MLIP: variants seen among roughly 807,000 people sequenced by gnomAD.
The protein encoded by MLIP is muscular LMNA interacting protein.
MLIP carries 79 observed loss-of-function variants against 84.8 expected under a neutral mutation model. The ratio of observed to expected loss-of-function variants is 0.93; its 90% CI spans 0.78 to 1.12. MLIP has a LOEUF of 1.12. Ranked by LOEUF, MLIP falls within the 50% of genes most tolerant of loss-of-function variation. MLIP has a pLI of 0.00. For missense variants in MLIP, 1,257 were observed against 1,160.6 expected, an observed-to-expected ratio of 1.08 and a Z score of -1.21; for synonymous variants, 504 against 463.0, an observed-to-expected ratio of 1.09 and a Z score of -1.14.
intron 1 of MLIP, among the ~76,000 whole-genome samples, chr6:54,112,404 T>A (rs557428703): frequency 7.0e-6 from 1 of 142,392 alleles, no homozygotes; most frequent in Admixed American, 7.0e-5. Flanking sequence ...TCCTTGTGAA[T>A]GAGTATTAGA....
intron 12 of MLIP, among the ~76,000 whole-genome samples, chr6:54,234,246 T>C (rs1781210387): frequency 6.6e-6 from 1 of 152,166 alleles, no homozygotes; most frequent in Non-Finnish European, 1.5e-5. Flanking sequence ...GGCAAGTCAT[T>C]TAGCCTCTGA....
intron 1 of MLIP, among the ~76,000 whole-genome samples, chr6:54,087,201 A>G (rs1767553119): frequency 6.6e-6 from 1 of 152,198 alleles, no homozygotes. Context: ...CTATTCTAAT[A>G]TGGCATCAAA....
At chr6:54,056,321 C>T (rs1765656729) in intron 1 of MLIP, among the ~76,000 whole-genome samples, 1 of 152,186 alleles carries the variant, frequency 6.6e-6, no homozygotes, top group South Asian at 2.1e-4. Flanking sequence ...ATAGGACACG[C>T]TGTACAGAGG....
rs1454309686 is a variant in MLIP at position 54,136,713 on chromosome 6, A to G, written c.646-2A>G. 1 of 1,470,208 alleles carries G rather than the reference A, an allele frequency of 6.8e-7. No homozygotes were observed. Among genetic ancestry groups the G allele is most frequent in the Non-Finnish European group, 9.0e-7 (1 of 1,109,890 alleles). 91.1% of individuals were successfully genotyped at this position (1,470,208 alleles called of 1,614,324 possible). A position where few individuals can be genotyped will look rare whatever the true frequency, so the allele number is the denominator to read the frequency against. On this transcript the variant is annotated splice_acceptor_variant, in intron 3 of 13. Coordinates refer to ENST00000502396, the MANE Select transcript of MLIP (RefSeq NM_001281747.2). LOFTEE classifies it high-confidence loss of function. ...CAATCTGTCTATTTCTCTTTCCTCT[A>G]GTTAACTTCTTCTCCCACTACCTCT... is the stretch of plus-strand genomic sequence containing the variant.
At chr6:54,121,725 T>A in intron 2 of MLIP, 123 bp downstream of exon 2, 1 of 712,698 alleles carries the variant, frequency 1.4e-6, no homozygotes, top group South Asian at 2.1e-5. Flanking sequence ...TAAGTTTGAC[T>A]AAAAATATAA....
intron 12 of MLIP, among the ~76,000 whole-genome samples, chr6:54,236,599 T>C (rs537282226): frequency 2.0e-3 from 39 of 19,476 alleles, no homozygotes; most frequent in African/African-American, 7.3e-3. Context: ...CGAAACTCAG[T>C]CTAAAAGAAA....
chr6:54,037,683 C>T (rs1197073857), intron 1 of MLIP, among the ~76,000 whole-genome samples: 1 of 151,842 alleles, frequency 6.6e-6, no homozygotes, highest in Admixed American at 6.6e-5. Flanking sequence ...AAGCAAAGGT[C>T]AGCAGCCTAG....
chr6:54,208,715 G>GTAA (rs1491429501), intron 11 of MLIP, among the ~76,000 whole-genome samples: 2 of 152,082 alleles, frequency 1.3e-5, no homozygotes, highest in Admixed American at 6.5e-5. Context: ...ACCACAGATG[G>GTAA]TAACAATCAC....
chr6:54,234,531 T>G (rs1314503268), intron 12 of MLIP, among the ~76,000 whole-genome samples: 1 of 152,162 alleles, frequency 6.6e-6, no homozygotes, highest in Non-Finnish European at 1.5e-5. Context: ...ATCCTTTTCC[T>G]TGATGATGCT....
At chr6:54,214,993 A>C in intron 11 of MLIP, 1 of 586,688 alleles carries the variant, frequency 1.7e-6, no homozygotes, top group Non-Finnish European at 3.0e-6. Flanking sequence ...CCAGGAAATA[A>C]AGGAGACGAT....
intron 12 of MLIP, among the ~76,000 whole-genome samples, chr6:54,236,109 A>G (rs1582587021): frequency 1.3e-5 from 2 of 151,938 alleles, no homozygotes; most frequent in African/African-American, 2.4e-5. Flanking sequence ...GCCATAGGGA[A>G]CTCCAAAACC....
intron 1 of MLIP, among the ~76,000 whole-genome samples, chr6:54,022,842 C>T (rs1763572505): frequency 6.6e-6 from 1 of 151,968 alleles, no homozygotes; most frequent in South Asian, 2.1e-4. Context: ...ATTTTATCTT[C>T]TCAAATAATG....
rs2150481753 is a variant in MLIP at position 54,136,692 on chromosome 6, CT to C, written c.646-22del. 3 of 1,424,780 alleles carry C rather than the reference CT, an allele frequency of 2.1e-6. No individual in the cohort carries two copies. In the South Asian group the frequency reaches 4.7e-5, roughly 22 times the overall value. The allele number at this position is 1,424,780 out of a possible 1,614,324, so 88.3% of individuals were successfully genotyped here. A position where few individuals can be genotyped will look rare whatever the true frequency, so the allele number is the denominator to read the frequency against. The stretch of plus-strand genomic sequence containing the variant: ...TTCACAAATAATGTCCTATTTCAAT[CT>C]GTCTATTTCTCTTTCCTCTAGTTAA... On this transcript the variant is annotated intron_variant, in intron 3 of 13. Coordinates refer to ENST00000502396, the MANE Select transcript of MLIP (RefSeq NM_001281747.2).
intron 1 of MLIP, among the ~76,000 whole-genome samples, chr6:54,033,858 A>C (rs1764277734): frequency 6.6e-6 from 1 of 152,230 alleles, no homozygotes; most frequent in Non-Finnish European, 1.5e-5. Flanking sequence ...ATGTTTAGGC[A>C]TCATGGAATG....
chr6:54,197,941 G>C (rs1011542175), intron 10 of MLIP, among the ~76,000 whole-genome samples: 2 of 152,062 alleles, frequency 1.3e-5, no homozygotes, highest in African/African-American at 2.4e-5. Flanking sequence ...GAAGTCCAAA[G>C]GTATCAGCAA....
At chr6:54,048,505 G>A (rs146890247) in intron 1 of MLIP, among the ~76,000 whole-genome samples, 130 of 152,242 alleles carry the variant, frequency 8.5e-4, no homozygotes, top group African/African-American at 3.0e-3. Context: ...AGTTTACAGT[G>A]GGCATGTGGT....
At chr6:54,114,862 A>G (rs553292446) in intron 1 of MLIP, among the ~76,000 whole-genome samples, 1 of 152,298 alleles carries the variant, frequency 6.6e-6, no homozygotes, top group East Asian at 1.9e-4. Flanking sequence ...TGGTTTTACT[A>G]GGAGCATAGT....
In MLIP at chr6:54,230,991, A is replaced by C. The variant is rs537096129; in HGVS notation, c.2922+74A>C. The C allele has an allele frequency of 2.4e-6, 3 of 1,230,118 alleles. No homozygotes were observed. In the African/African-American group the frequency reaches 4.5e-5, roughly 18 times the overall value. The allele number at this position is 1,230,118 out of a possible 1,614,324, so 76.2% of individuals were successfully genotyped here. A position where few individuals can be genotyped will look rare whatever the true frequency, so the allele number is the denominator to read the frequency against. ...ATTACGCTTGACTTTTAAAACTTAA[A>C]TGTGGAGGAAACATGTGTTAGGAAT... On this transcript the variant is annotated intron_variant, in intron 12 of 13. Coordinates refer to ENST00000502396, the MANE Select transcript of MLIP (RefSeq NM_001281747.2).
At chr6:54,051,271 C>G (rs1765359813) in intron 1 of MLIP, among the ~76,000 whole-genome samples, 1 of 151,802 alleles carries the variant, frequency 6.6e-6, no homozygotes, top group Admixed American at 6.6e-5. Flanking sequence ...GTTTATAATA[C>G]ATTGTAGAGT....
Sources: gnomAD v4.1 joint callset for allele counts (sites outside exome capture counted in the v4.1 genomes callset) on GRCh38, gnomAD v4.1.1 for gene constraint, MANE v1.5 for transcripts, NCBI Gene and HGNC (gene_info 2026-07-23, HGNC 2026-07-21) for gene names.